Variants in CHCHD6 observed in about 807,000 individuals in gnomAD.
The protein encoded by CHCHD6 is MICOS complex subunit MIC25.
A neutral mutation model predicts 32.3 loss-of-function variants in CHCHD6; 28 were observed. That is an observed-to-expected ratio of 0.87 (90% CI 0.64 to 1.19). The LOEUF (loss-of-function observed/expected upper bound fraction) is 1.19, where lower values mean the gene tolerates loss of function less well. Among genes scored for constraint, CHCHD6 ranks in the 50% most tolerant of loss-of-function variants. CHCHD6 has a pLI of 0.00. For missense variants in CHCHD6, 333 were observed against 307.0 expected, an observed-to-expected ratio of 1.08 and a Z score of -0.63; for synonymous variants, 122 against 117.5, an observed-to-expected ratio of 1.04 and a Z score of -0.25.
intron 1 of CHCHD6, among the ~76,000 whole-genome samples, chr3:126,718,871 T>C (rs1339174285): frequency 6.6e-6 from 1 of 152,226 alleles, no homozygotes; most frequent in Admixed American, 6.5e-5. Context: ...TGTGTGTGTA[T>C]GTATATTTGT....
chr3:126,846,593 A>G lies in CHCHD6; in HGVS notation c.412-6054A>G, dbSNP rs140348282. ...ACTCATCATCTACAAGGAATCCTGA[A>G]TAATATAAAAGACTGATTTCTCATC... On this transcript the variant is annotated intron_variant, in intron 4 of 7. Transcript: ENST00000290913. Among the ~76,000 whole-genome samples, 355 of 152,396 alleles carry G rather than the reference A, an allele frequency of 2.3e-3. 1 individual carries two copies. The highest frequency in any genetic ancestry group is 8.1e-3 in the African/African-American group (338 of 41,596).
chr3:126,779,315 G>T (rs1454342261), intron 4 of CHCHD6, among the ~76,000 whole-genome samples: 1 of 151,976 alleles, frequency 6.6e-6, no homozygotes, highest in South Asian at 2.1e-4. Context: ...AAGGCAGGTG[G>T]ATCACGAGGT....
At chr3:126,863,488 T>A (rs528502842) in intron 5 of CHCHD6, among the ~76,000 whole-genome samples, 82 of 116,508 alleles carry the variant, frequency 7.0e-4, no homozygotes, top group African/African-American at 2.5e-3. Flanking sequence ...CATCACCACC[T>A]CCTCCTCCTC....
chr3:126,901,303 G>A (rs1394437707), intron 5 of CHCHD6, among the ~76,000 whole-genome samples: 1 of 152,218 alleles, frequency 6.6e-6, no homozygotes, highest in Non-Finnish European at 1.5e-5. Flanking sequence ...TCTGACGGGA[G>A]GCGCTGTCTG....
At chr3:126,750,505 C>T (rs1183656025) in intron 4 of CHCHD6, among the ~76,000 whole-genome samples, 1 of 152,254 alleles carries the variant, frequency 6.6e-6, no homozygotes, top group East Asian at 1.9e-4. Flanking sequence ...CCAGAGTTGG[C>T]GACTCCCTCC....
chr3:126,725,047 A>G (rs1268004089), intron 1 of CHCHD6, among the ~76,000 whole-genome samples: 1 of 152,084 alleles, frequency 6.6e-6, no homozygotes, highest in African/African-American at 2.4e-5. Context: ...ATTAATATTG[A>G]TTTTTTGACC....
intron 4 of CHCHD6, among the ~76,000 whole-genome samples, chr3:126,783,511 CT>C (rs1336510681): frequency 6.6e-6 from 1 of 152,204 alleles, no homozygotes; most frequent in Non-Finnish European, 1.5e-5. Context: ...TAAGTTGTCT[CT>C]GTTTGCAAAT....
chr3:126,888,036 G>A lies in CHCHD6; in HGVS notation c.496-26644G>A, dbSNP rs2077702479. On this transcript the variant is annotated intron_variant, in intron 5 of 7. Coordinates refer to ENST00000290913, the MANE Select transcript of CHCHD6 (RefSeq NM_032343.3). The stretch of plus-strand genomic sequence containing the variant: ...TGTTCTAGTCATGTATATGTGAGCG[G>A]GGGGCTGCTGAGGGGCCCTCAGCCA... Among the ~76,000 whole-genome samples, 3 of 152,304 alleles carry A rather than the reference G, an allele frequency of 2.0e-5. No homozygotes were observed. In the South Asian group the frequency reaches 6.2e-4, roughly 32 times the overall value.
At chr3:126,832,584 G>C (rs1437539654) in intron 4 of CHCHD6, among the ~76,000 whole-genome samples, 6 of 152,198 alleles carry the variant, frequency 3.9e-5, no homozygotes, top group Non-Finnish European at 7.3e-5. Flanking sequence ...CTCAGGGCCT[G>C]TTTTACAAAG....
At chr3:126,917,105 T>C (rs564551758) in intron 6 of CHCHD6, among the ~76,000 whole-genome samples, 1 of 152,332 alleles carries the variant, frequency 6.6e-6, no homozygotes, top group East Asian at 1.9e-4. Context: ...GAAAGCAAGG[T>C]GGGATGGATG....
chr3:126,914,810 G>A, intron 6 of CHCHD6, 60 bp downstream of exon 6: 1 of 988,600 alleles, frequency 1.0e-6, no homozygotes, highest in Non-Finnish European at 1.6e-6. Flanking sequence ...ATTCCCACAT[G>A]TGGCTTGAAA....
chr3:126,927,906 C>A (rs963932452), intron 6 of CHCHD6, among the ~76,000 whole-genome samples: 1 of 152,232 alleles, frequency 6.6e-6, no homozygotes, highest in Non-Finnish European at 1.5e-5. Flanking sequence ...GTTATTTGCG[C>A]CTTGAGGGAG....
rs149777526 is a variant in CHCHD6, at chr3:126,748,687, G to T, written c.411+15465G>T. On this transcript the variant is annotated intron_variant, in intron 4 of 7. Transcript: ENST00000290913. ...TCCTTCTTCACATTTCCTTCAAGGG[G>T]TATTTATCACCAAGTAGCTACTCTT... is the stretch of plus-strand genomic sequence containing the variant. 1.7e-3 allele frequency among the ~76,000 whole-genome samples: 265 copies of T among 152,092 alleles called. 1 individual carries two copies. The highest frequency in any genetic ancestry group is 6.1e-3 in the African/African-American group (254 of 41,488).
chr3:126,773,521 T>C (rs1388802401), intron 4 of CHCHD6, among the ~76,000 whole-genome samples: 1 of 152,202 alleles, frequency 6.6e-6, no homozygotes, highest in Non-Finnish European at 1.5e-5. Context: ...TTTTTCTTTA[T>C]TCAGCATTCT....
chr3:126,843,101 T>G (rs1341365314), intron 4 of CHCHD6, among the ~76,000 whole-genome samples: 2 of 152,138 alleles, frequency 1.3e-5, no homozygotes, highest in Admixed American at 1.3e-4. Context: ...TTTCTTCTAT[T>G]ACTAGTTTTC....
At chr3:126,927,320 GC>G (rs1381917474) in intron 6 of CHCHD6, among the ~76,000 whole-genome samples, 1 of 152,168 alleles carries the variant, frequency 6.6e-6, no homozygotes, top group Non-Finnish European at 1.5e-5. Context: ...TGGAGCAAGG[GC>G]CCCCTAACTG....
At chr3:126,746,633 G>A (rs1375329709) in intron 4 of CHCHD6, among the ~76,000 whole-genome samples, 1 of 152,148 alleles carries the variant, frequency 6.6e-6, no homozygotes, top group Non-Finnish European at 1.5e-5. Flanking sequence ...TTATCTTCGT[G>A]CTGACACACA....
At chr3:126,714,520 C>T (rs1447362129) in intron 1 of CHCHD6, among the ~76,000 whole-genome samples, 1 of 152,146 alleles carries the variant, frequency 6.6e-6, no homozygotes, top group Non-Finnish European at 1.5e-5. Context: ...TTCTTCGGAT[C>T]ACGGGGTTGG....
chr3:126,864,813 C>G (rs1308706886), intron 5 of CHCHD6, among the ~76,000 whole-genome samples: 4 of 148,440 alleles, frequency 2.7e-5, no homozygotes, highest in Non-Finnish European at 3.0e-5. Context: ...TCACCTCCTC[C>G]TCCAGCATCA....
Sources: gnomAD v4.1 joint callset for allele counts (sites outside exome capture counted in the v4.1 genomes callset) on GRCh38, gnomAD v4.1.1 for gene constraint, MANE v1.5 for transcripts, NCBI Gene and HGNC (gene_info 2026-07-23, HGNC 2026-07-21) for gene names.